LRRTM4: variants seen among roughly 807,000 people sequenced by gnomAD.
LRRTM4 encodes leucine rich repeat transmembrane neuronal 4.
LRRTM4 carries 25 observed loss-of-function variants against 47.6 expected under a neutral mutation model. The ratio of observed to expected loss-of-function variants is 0.53; its 90% confidence interval spans 0.38 to 0.73. The LOEUF is 0.73. LRRTM4 is among the 30% of genes least tolerant of loss of function. The pLI, the probability that LRRTM4 is intolerant of heterozygous loss-of-function variation, is 0.00. For synonymous variants in LRRTM4, 311 were observed against 269.5 expected (o/e 1.15, Z -1.51); for missense variants, 638 against 713.4 (o/e 0.89, Z 1.20).
At chr2:77,137,645 G>A (rs1671986903) in intron 3 of LRRTM4, among the ~76,000 whole-genome samples, 1 of 152,042 alleles carries the variant, frequency 6.6e-6, no homozygotes, top group Non-Finnish European at 1.5e-5. Flanking sequence ...AAATGTAAAT[G>A]GACTAAATTC....
At chr2:76,796,706 A>AG (rs1253342405) in intron 3 of LRRTM4, among the ~76,000 whole-genome samples, 1 of 132,502 alleles carries the variant, frequency 7.5e-6, no homozygotes, top group Non-Finnish European at 1.6e-5. Flanking sequence ...CCACAAAGAC[A>AG]GGGAAAAAAC....
At chr2:77,269,045 C>G (rs1676125539) in intron 3 of LRRTM4, among the ~76,000 whole-genome samples, 1 of 152,118 alleles carries the variant, frequency 6.6e-6, no homozygotes, top group Non-Finnish European at 1.5e-5. Flanking sequence ...AATTTATTCC[C>G]TTATAATTGT....
chr2:77,188,795 T>C (rs1028451090), intron 3 of LRRTM4, among the ~76,000 whole-genome samples: 4 of 152,218 alleles, frequency 2.6e-5, no homozygotes, highest in East Asian at 1.9e-4. Flanking sequence ...ACCCTTCTAT[T>C]ACACCAGGTG....
At chr2:77,361,750 C>A (rs934849138) in intron 3 of LRRTM4, among the ~76,000 whole-genome samples, 2 of 152,114 alleles carry the variant, frequency 1.3e-5, no homozygotes, top group Non-Finnish European at 2.9e-5. Context: ...ACTTTAACAT[C>A]AGATATTTTA....
chr2:77,047,944 G>A (rs10169890), intron 3 of LRRTM4, among the ~76,000 whole-genome samples: 8,652 of 152,036 alleles, frequency 0.057, 533 homozygotes, highest in East Asian at 0.14. Context: ...ATTTAGCAGT[G>A]AAGTAACAGT....
At chr2:76,970,532 T>C (rs1204390787) in intron 3 of LRRTM4, among the ~76,000 whole-genome samples, 2 of 152,038 alleles carry the variant, frequency 1.3e-5, no homozygotes, top group African/African-American at 4.8e-5. Context: ...TTGTGGCATA[T>C]CATATGACTA....
intron 3 of LRRTM4, among the ~76,000 whole-genome samples, chr2:76,875,963 G>T (rs1342949342): frequency 6.6e-6 from 1 of 152,094 alleles, no homozygotes; most frequent in Non-Finnish European, 1.5e-5. Flanking sequence ...AGCATTTACT[G>T]ACTTGGGATA....
chr2:76,930,679 G>A (rs764239677), intron 3 of LRRTM4, among the ~76,000 whole-genome samples: 2 of 152,106 alleles, frequency 1.3e-5, no homozygotes, highest in Non-Finnish European at 2.9e-5. Context: ...AAGGAGCAAT[G>A]GATGTGGAAT....
chr2:77,099,474 CAT>C (rs1198520820), intron 3 of LRRTM4, among the ~76,000 whole-genome samples: 2 of 151,760 alleles, frequency 1.3e-5, no homozygotes, highest in South Asian at 2.1e-4. Flanking sequence ...TTTATATTAA[CAT>C]ATATAAGATA....
intron 3 of LRRTM4, among the ~76,000 whole-genome samples, chr2:77,090,920 GT>G (rs923596411): frequency 6.6e-6 from 1 of 152,040 alleles, no homozygotes; most frequent in Non-Finnish European, 1.5e-5. Flanking sequence ...ACAGTGGAAG[GT>G]AAGCCCATCC....
chr2:76,767,451 G>A (rs1233080323), intron 3 of LRRTM4, among the ~76,000 whole-genome samples: 1 of 152,072 alleles, frequency 6.6e-6, no homozygotes, highest in East Asian at 1.9e-4. Context: ...TAAAATTGAG[G>A]CACAGGTGTG....
chr2:77,249,983 A>G (rs1392887720), intron 3 of LRRTM4, among the ~76,000 whole-genome samples: 4 of 152,228 alleles, frequency 2.6e-5, no homozygotes, highest in African/African-American at 9.6e-5. Flanking sequence ...TATATAATTC[A>G]GTGCTGAAAA....
intron 3 of LRRTM4, among the ~76,000 whole-genome samples, chr2:77,367,057 G>T (rs75918839): frequency 0.011 from 1,727 of 151,500 alleles, 13 homozygotes; most frequent in Non-Finnish European, 0.018. Flanking sequence ...ATGCATACTG[G>T]CTATTTGTCA....
intron 3 of LRRTM4, among the ~76,000 whole-genome samples, chr2:77,304,785 G>A (rs1299947495): frequency 6.6e-6 from 1 of 151,992 alleles, no homozygotes; most frequent in East Asian, 1.9e-4. Context: ...GTATTATTAT[G>A]TCCATTTTAC....
intron 3 of LRRTM4, among the ~76,000 whole-genome samples, chr2:77,489,053 G>A (rs1033372708): frequency 6.6e-6 from 1 of 151,632 alleles, no homozygotes; most frequent in African/African-American, 2.4e-5. Context: ...AAAATAAAAT[G>A]TCACAAACCA....
intron 3 of LRRTM4, among the ~76,000 whole-genome samples, chr2:77,415,412 A>T (rs1674599450): frequency 6.6e-6 from 1 of 152,152 alleles, no homozygotes; most frequent in Non-Finnish European, 1.5e-5. Context: ...CCTCAATTTT[A>T]TTCTTTGTCA....
intron 3 of LRRTM4, among the ~76,000 whole-genome samples, chr2:77,045,776 C>G (rs1362662501): frequency 6.6e-6 from 1 of 151,918 alleles, no homozygotes; most frequent in African/African-American, 2.4e-5. Flanking sequence ...TTGTAAATTG[C>G]TCAGTCTTGG....
At chr2:77,081,998 A>G (rs1261483691) in intron 3 of LRRTM4, among the ~76,000 whole-genome samples, 1 of 151,962 alleles carries the variant, frequency 6.6e-6, no homozygotes, top group Non-Finnish European at 1.5e-5. Flanking sequence ...TACAATCCAT[A>G]CATATTATTT....
chr2:77,320,340 A>G (rs1221528521), intron 3 of LRRTM4, among the ~76,000 whole-genome samples: 1 of 152,202 alleles, frequency 6.6e-6, no homozygotes, highest in African/African-American at 2.4e-5. Flanking sequence ...AATCTCACCC[A>G]CACCCTTAAT....
Sources: gnomAD v4.1 joint callset for allele counts (sites outside exome capture counted in the v4.1 genomes callset) on GRCh38, gnomAD v4.1.1 for gene constraint, MANE v1.5 for transcripts, NCBI Gene and HGNC (gene_info 2026-07-23, HGNC 2026-07-21) for gene names.